KATNIP: variants seen among roughly 807,000 people sequenced by gnomAD.
KATNIP encodes the protein katanin interacting protein.
In KATNIP, 126 loss-of-function variants were observed where a neutral mutation model predicts 174.0. The observed-to-expected ratio is 0.72, with a 90% CI of 0.63 to 0.84. KATNIP has a LOEUF of 0.84. Ranked by LOEUF, KATNIP falls within the 40% of genes least tolerant of loss-of-function variation. The pLI, the probability that KATNIP is intolerant of heterozygous loss-of-function variation, is 0.00. For synonymous variants in KATNIP, 810 were observed against 835.7 expected, an observed-to-expected ratio of 0.97 and a Z score of 0.53; for missense variants, 1,958 against 2,109.7, an observed-to-expected ratio of 0.93 and a Z score of 1.41.
At chr16:27,574,060 G>A in intron 2 of KATNIP, 104 bp downstream of exon 2, 1 of 1,005,194 alleles carries the variant, frequency 9.9e-7, no homozygotes, top group South Asian at 1.4e-5. Context: ...CTTTTCTCTT[G>A]GGGTCCCAAG....
chr16:27,612,595 G>A (rs1277364129), intron 2 of KATNIP, among the ~76,000 whole-genome samples: 2 of 151,646 alleles, frequency 1.3e-5, no homozygotes, highest in Non-Finnish European at 2.9e-5. Flanking sequence ...CCCGTCTCTA[G>A]TAAAAATACA....
chr16:27,773,685 G>A (rs143177495), intron 23 of KATNIP, among the ~76,000 whole-genome samples: 1 of 152,270 alleles, frequency 6.6e-6, no homozygotes, highest in East Asian at 1.9e-4. Flanking sequence ...GAAATCACGA[G>A]GTTTCACATG....
chr16:27,645,839 C>T (rs541599363), intron 5 of KATNIP, among the ~76,000 whole-genome samples: 7 of 152,258 alleles, frequency 4.6e-5, no homozygotes, highest in South Asian at 4.1e-4. Flanking sequence ...AGCTCTGCCT[C>T]GTAGACTTCT....
intron 17 of KATNIP, among the ~76,000 whole-genome samples, chr16:27,752,660 T>C (rs1338568662): frequency 1.3e-5 from 2 of 152,182 alleles, no homozygotes; most frequent in Non-Finnish European, 2.9e-5. Context: ...CAAGCAATCC[T>C]ACCACCTCAG....
intron 5 of KATNIP, among the ~76,000 whole-genome samples, chr16:27,632,105 AT>A (rs2076506409): frequency 6.6e-6 from 1 of 152,212 alleles, no homozygotes; most frequent in Admixed American, 6.5e-5. Flanking sequence ...TTTGCCCCAA[AT>A]TCTGTGTTCT....
In KATNIP at chr16:27,572,345, C is replaced by G. The variant is rs2090335658; in HGVS notation, c.8-1556C>G. Among the ~76,000 whole-genome samples the G allele has an allele frequency of 2.4e-5, 3 of 122,606 alleles. No individual in the cohort carries two copies. The South Asian group carries it at 8.4e-4, about 34-fold the overall frequency. The allele number at this position is 122,606 out of a possible 152,430, so 80.4% of individuals were successfully genotyped here. On this transcript the variant is annotated intron_variant, in intron 1 of 27. Transcript: ENST00000261588. The stretch of plus-strand genomic sequence containing the variant: ...CATCCTTAAATCCTAGGTTCTTTGT[C>G]TTAAGGCAAAAAAGAAAACACACAC...
rs758100624 is a variant in KATNIP, at chr16:27,573,895, C to T, written c.8-6C>T. 1.1e-5 allele frequency: 18 copies of T among 1,614,008 alleles called. No individual in the cohort carries two copies. The highest frequency in any genetic ancestry group is 4.5e-5 in the East Asian group (2 of 44,888). On this transcript the variant is annotated splice_polypyrimidine_tract_variant and splice_region_variant and intron_variant, in intron 1 of 27. Coordinates refer to ENST00000261588, the MANE Select transcript of KATNIP (RefSeq NM_015202.5). ...TAATCTTGGTTCTGCTTTTGAACTG[C>T]GACAGGTCAGACTCTGCGAAAGGCC...
chr16:27,661,943 T>C (rs185602188), intron 6 of KATNIP, among the ~76,000 whole-genome samples: 12 of 66,030 alleles, frequency 1.8e-4, no homozygotes, highest in Non-Finnish European at 2.4e-4. Flanking sequence ...TATATATATA[T>C]ATATATATAT....
chr16:27,740,681 G>A lies in KATNIP; in HGVS notation c.2384G>A (p.Gly795Asp). Residue 795 changes from glycine to aspartate, a missense_variant, in exon 15 of 28, where the codon GGT becomes GAT. By Grantham distance (94) the Gly-to-Asp change is moderately conservative (BLOSUM62 -1). Transcript: ENST00000261588. ...AGGCTCCCATCAGACGATGTCATCG[G>A]TGAGGGTCCTGGAGAGACCGAGGCC... ...KGRLPSDDVI[G>D]EGPGETEARD... 1.9e-6 allele frequency: 3 copies of A among 1,614,176 alleles called. No individual in the cohort carries two copies. Among genetic ancestry groups the A allele is most frequent in the Non-Finnish European group, 2.5e-6 (3 of 1,180,032 alleles).
intron 13 of KATNIP, among the ~76,000 whole-genome samples, chr16:27,713,824 A>ATG (rs2079780702): frequency 2.3e-5 from 1 of 43,992 alleles, no homozygotes. Context: ...ATATATATAT[A>ATG]TATATATATA....
chr16:27,733,722 C>G (rs944606469), intron 14 of KATNIP, among the ~76,000 whole-genome samples: 4 of 152,020 alleles, frequency 2.6e-5, no homozygotes, highest in Admixed American at 2.0e-4. Flanking sequence ...GGGGTTAAAG[C>G]CCTGACGACT....
intron 13 of KATNIP, among the ~76,000 whole-genome samples, chr16:27,716,900 G>A (rs571130874): frequency 8.6e-5 from 13 of 151,960 alleles, no homozygotes; most frequent in South Asian, 6.2e-4. Context: ...GCTGGTGTGC[G>A]GTGGGGCGAT....
intron 7 of KATNIP, among the ~76,000 whole-genome samples, chr16:27,680,825 G>A (rs2078308291): frequency 6.6e-6 from 1 of 152,204 alleles, no homozygotes; most frequent in African/African-American, 2.4e-5. Context: ...CTTCCAAGTA[G>A]CTGGGATTAC....
intron 3 of KATNIP, among the ~76,000 whole-genome samples, chr16:27,626,951 C>G (rs375667362): frequency 2.8e-4 from 42 of 147,502 alleles, no homozygotes; most frequent in African/African-American, 5.5e-4. Flanking sequence ...GGTGGCAGTG[C>G]GAGACTCCGT....
intron 2 of KATNIP, among the ~76,000 whole-genome samples, chr16:27,602,300 C>T (rs1488270210): frequency 2.0e-5 from 3 of 152,118 alleles, no homozygotes; most frequent in Admixed American, 1.3e-4. Flanking sequence ...TGCCCCAAGC[C>T]CTCCAGTAGC....
At chr16:27,765,807 T>C (rs1240101016) in intron 19 of KATNIP, among the ~76,000 whole-genome samples, 1 of 152,252 alleles carries the variant, frequency 6.6e-6, no homozygotes, top group Admixed American at 6.5e-5. Flanking sequence ...GTGACTGCAG[T>C]GTCCTCATGA....
At chr16:27,653,108 G>T (rs1216062509) in intron 6 of KATNIP, among the ~76,000 whole-genome samples, 1 of 152,004 alleles carries the variant, frequency 6.6e-6, no homozygotes, top group East Asian at 1.9e-4. Context: ...TAACCATCCG[G>T]ACTAAAAATG....
At chr16:27,627,322 G>A (rs533176662) in intron 3 of KATNIP, among the ~76,000 whole-genome samples, 1 of 152,312 alleles carries the variant, frequency 6.6e-6, no homozygotes, top group African/African-American at 2.4e-5. Context: ...TATACATAGT[G>A]CAGAAATGCT....
chr16:27,690,367 A>AGATAGAT (rs1567304170), intron 8 of KATNIP, among the ~76,000 whole-genome samples: 80 of 142,326 alleles, frequency 5.6e-4, no homozygotes, highest in Admixed American at 8.5e-4. Context: ...GATAGATGAT[A>AGATAGAT]GATAGATAGA....
Sources: gnomAD v4.1 joint callset for allele counts (sites outside exome capture counted in the v4.1 genomes callset) on GRCh38, gnomAD v4.1.1 for gene constraint, MANE v1.5 for transcripts, NCBI Gene and HGNC (gene_info 2026-07-23, HGNC 2026-07-21) for gene names.